The following LRP2 variants were observed in gnomAD, a reference collection of about 807,000 sequenced individuals.
LRP2 encodes low-density lipoprotein receptor-related protein 2.
Under a neutral mutation model 531.0 loss-of-function variants are expected in LRP2, and 172 were observed. The observed-to-expected ratio is 0.32, with a 90% confidence interval of 0.29 to 0.37. LRP2 has a LOEUF of 0.37. Ranked by LOEUF, LRP2 falls within the 10% of genes least tolerant of loss-of-function variation. The pLI is 1.00. For missense variants in LRP2, 5,167 were observed against 5,868.3 expected (o/e 0.88, Z 3.90); for synonymous variants, 1,992 against 2,027.6 (o/e 0.98, Z 0.47).
At chr2:169,165,336 G>C (rs1001992129) in intron 62 of LRP2, among the ~76,000 whole-genome samples, 12 of 152,184 alleles carry the variant, frequency 7.9e-5, no homozygotes, top group African/African-American at 2.9e-4. Context: ...AAAACATTTT[G>C]AAAGTGCAGA....
intron 1 of LRP2, among the ~76,000 whole-genome samples, chr2:169,332,049 A>G (rs1490267237): frequency 4.6e-5 from 7 of 152,246 alleles, no homozygotes; most frequent in Non-Finnish European, 1.0e-4. Flanking sequence ...GTTGAACCAT[A>G]AATCAAACTG....
intron 10 of LRP2, among the ~76,000 whole-genome samples, chr2:169,282,109 A>G (rs1025634163): frequency 4.0e-4 from 61 of 152,326 alleles, no homozygotes; most frequent in African/African-American, 1.4e-3. Flanking sequence ...GCTGAACCTA[A>G]AAGTTACTAC....
chr2:169,186,392 C>A (rs1381124881), intron 49 of LRP2, among the ~76,000 whole-genome samples: 1 of 152,178 alleles, frequency 6.6e-6, no homozygotes, highest in Non-Finnish European at 1.5e-5. Flanking sequence ...TGTGACATCA[C>A]TGAACATGGA....
rs944284269 is a variant in LRP2 at position 169,231,522 on chromosome 2, C to T, written c.5227+192G>A. Reference sequence around the variant, plus strand: ...TTACATGCACAGATAACATTAGTTCCATATACAGAAACTGTATTACAACCA... The same window carrying T: ...TTACATGCACAGATAACATTAGTTCTATATACAGAAACTGTATTACAACCA... On this transcript the variant is annotated intron_variant, in intron 31 of 78. Coordinates refer to ENST00000649046, the MANE Select transcript of LRP2 (RefSeq NM_004525.3). Among the ~76,000 whole-genome samples the T allele has an allele frequency of 1.4e-4, 21 of 152,182 alleles. 1 individual carries two copies. The highest frequency in any genetic ancestry group is 5.1e-4 in the African/African-American group (21 of 41,528).
At chr2:169,243,845 G>A (rs1451286073) in intron 22 of LRP2, among the ~76,000 whole-genome samples, 1 of 151,614 alleles carries the variant, frequency 6.6e-6, no homozygotes, top group Admixed American at 6.6e-5. Context: ...CATGACTCTA[G>A]ACCAAAGCCA....
In LRP2 at chr2:169,205,304, T is replaced by G. The variant is rs62172611; in HGVS notation, c.7715+175A>C. On this transcript the variant is annotated intron_variant, in intron 41 of 78. Transcript: ENST00000649046. ...TTCAATGCATGATATAGATAAATTT[T>G]CACAGTATGTTCACCAAGTTCCAAT... Among the ~76,000 whole-genome samples the G allele has an allele frequency of 0.038, 5,761 of 152,340 alleles. 153 individuals are homozygous for G. The highest frequency in any genetic ancestry group is 0.098 in the South Asian group (474 of 4,830).
At chr2:169,207,357 C>T (rs1688434151) in intron 38 of LRP2, 107 bp from the exon 39 acceptor site, 2 of 789,134 alleles carry the variant, frequency 2.5e-6, no homozygotes, top group East Asian at 5.3e-5. Flanking sequence ...GTCTGGGTCA[C>T]TATATGTTGT....
At chr2:169,154,692 CCTTTTTAAAG>C (rs1686270095) in intron 65 of LRP2, 89 bp from the exon 66 acceptor site, 5 of 1,181,920 alleles carry the variant, frequency 4.2e-6, no homozygotes, top group Non-Finnish European at 6.3e-6. Context: ...GTACCTGTCC[CCTTTTTAAAG>C]AACATGAGTT....
At chr2:169,204,516 T>C (rs181626054) in intron 41 of LRP2, among the ~76,000 whole-genome samples, 146 of 152,252 alleles carry the variant, frequency 9.6e-4, no homozygotes, top group African/African-American at 3.4e-3. Context: ...AGGAATCAGG[T>C]TGATATTAGA....
At chr2:169,149,154 C>T (rs150217769) in intron 68 of LRP2, among the ~76,000 whole-genome samples, 63 of 152,288 alleles carry the variant, frequency 4.1e-4, no homozygotes, top group African/African-American at 1.4e-3. Context: ...AAACCTATGA[C>T]TAATTTATAG....
rs369044548 is a variant in LRP2 at position 169,314,437 on chromosome 2, A to AG, written c.310+4324_310+4325insC. ...GACCCCTGTCTCTAAAAAAAAAAAA[A>AG]TATGTAAAAGATAAGTAGACAGTGA... On this transcript the variant is annotated intron_variant, in intron 3 of 78. Transcript: ENST00000649046. 2.8e-5 allele frequency among the ~76,000 whole-genome samples: 4 copies of AG among 141,328 alleles called. No homozygotes were observed. In the East Asian group the frequency reaches 5.8e-4, roughly 20 times the overall value. The allele number at this position is 141,328 out of a possible 152,430, so 92.7% of individuals were successfully genotyped here. A position where few individuals can be genotyped will look rare whatever the true frequency, so the allele number is the denominator to read the frequency against.
chr2:169,278,915 C>T (rs1294484301), intron 12 of LRP2, among the ~76,000 whole-genome samples: 1 of 152,180 alleles, frequency 6.6e-6, no homozygotes, highest in Non-Finnish European at 1.5e-5. Context: ...ATCTCAATCC[C>T]AGCCTGTATC....
chr2:169,320,427 G>T (rs1442012900), intron 2 of LRP2, among the ~76,000 whole-genome samples: 1 of 151,968 alleles, frequency 6.6e-6, no homozygotes, highest in Non-Finnish European at 1.5e-5. Flanking sequence ...TTTTTTGTTT[G>T]TTCTTGTGGG....
intron 63 of LRP2, 143 bp from the exon 64 acceptor site, chr2:169,157,645 G>C: frequency 1.2e-6 from 1 of 838,016 alleles, no homozygotes; most frequent in South Asian, 1.4e-5. Flanking sequence ...AGGACAGAGG[G>C]CACTGGGGGA....
chr2:169,181,780 A>G (rs150482140), intron 51 of LRP2, among the ~76,000 whole-genome samples, 162 bp from the exon 52 acceptor site: 12 of 148,756 alleles, frequency 8.1e-5, no homozygotes, highest in African/African-American at 3.0e-4. Flanking sequence ...GCTAACAGCA[A>G]ATAATCTAAA....
rs1685183805 is a variant in LRP2 at position 169,128,813 on chromosome 2, C to T, written c.13818G>A (p.Lys4606=). 6.2e-7 allele frequency: 1 copy of T among 1,614,076 alleles called. No individual in the cohort carries two copies. Among genetic ancestry groups the T allele is most frequent in the Non-Finnish European group, 8.5e-7 (1 of 1,179,976 alleles). Residue 4606 remains lysine, a synonymous_variant, in exon 79 of 79, where the codon AAG becomes AAA. Coordinates refer to ENST00000649046, the MANE Select transcript of LRP2 (RefSeq NM_004525.3). Reference sequence around the variant, plus strand: ...GAGGTGGTGTCGCAGCAACACTTTCCTTTTGCTCGTTCTCCATCTAAGAAT... The same window carrying T: ...GAGGTGGTGTCGCAGCAACACTTTCTTTTTGCTCGTTCTCCATCTAAGAAT... ...PIYAQMENEQ[K]ESVAATPPPS... is the part of the protein sequence containing the mutation.
At chr2:169,169,895 T>G (rs1686933198) in intron 59 of LRP2, 77 bp from the exon 60 acceptor site, 1 of 986,972 alleles carries the variant, frequency 1.0e-6, no homozygotes, top group Non-Finnish European at 1.6e-6. Context: ...GTATAGTGGT[T>G]ACTCCATCAC....
At chr2:169,166,190 G>T in intron 61 of LRP2, 136 bp from the exon 62 acceptor site, 1 of 844,994 alleles carries the variant, frequency 1.2e-6, no homozygotes. Context: ...TCAATCAGCA[G>T]ATACACCTTA....
At chr2:169,342,349 T>G (rs1033112561) in intron 1 of LRP2, among the ~76,000 whole-genome samples, 1 of 152,150 alleles carries the variant, frequency 6.6e-6, no homozygotes, top group Non-Finnish European at 1.5e-5. Context: ...AGCTTTCTCT[T>G]TGTTCCATGG....
Sources: allele counts gnomAD v4.1 joint callset (sites outside exome capture counted in the v4.1 genomes callset), GRCh38; gene constraint gnomAD v4.1.1; transcripts MANE v1.5; gene names NCBI Gene and HGNC (gene_info 2026-07-23, HGNC 2026-07-21).